The following SCUBE1 variants were observed in gnomAD, a reference collection of about 807,000 sequenced individuals.
SCUBE1 encodes the protein signal peptide, CUB and EGF-like domain-containing protein 1.
In SCUBE1, 59 loss-of-function variants were observed where a neutral mutation model predicts 124.4. That is an observed-to-expected ratio of 0.47 (90% confidence interval 0.38 to 0.59). The LOEUF (loss-of-function observed/expected upper bound fraction) is 0.59. SCUBE1 is among the 20% of genes least tolerant of loss of function. The pLI is 0.00. For synonymous variants in SCUBE1, 545 were observed against 550.9 expected, an observed-to-expected ratio of 0.99 and a Z score of 0.15; for missense variants, 1,150 against 1,371.2, an observed-to-expected ratio of 0.84 and a Z score of 2.55.
intron 6 of SCUBE1, among the ~76,000 whole-genome samples, chr22:43,243,508 G>C (rs1282720765): frequency 6.6e-6 from 1 of 152,254 alleles, no homozygotes; most frequent in Non-Finnish European, 1.5e-5. Context: ...CGCTCTGACA[G>C]AGGGAAGCAG....
intron 3 of SCUBE1, among the ~76,000 whole-genome samples, chr22:43,293,073 C>T (rs1022874360): frequency 6.6e-6 from 1 of 152,226 alleles, no homozygotes; most frequent in African/African-American, 2.4e-5. Context: ...GCCACCTTTG[C>T]TGGGCGCAGC....
In SCUBE1 at chr22:43,248,466, C is replaced by T. The variant is rs188899887; in HGVS notation, c.728-9512G>A. Among the ~76,000 whole-genome samples, 904 of 152,368 alleles carry T rather than the reference C, an allele frequency of 5.9e-3. 5 individuals are homozygous for T. Among genetic ancestry groups the T allele is most frequent in the African/African-American group, 0.021 (861 of 41,590 alleles). On this transcript the variant is annotated intron_variant, in intron 6 of 21. Coordinates refer to ENST00000360835, the MANE Select transcript of SCUBE1 (RefSeq NM_173050.5). ...AGCGGAGTCGCCATCACCTACTTCC[C>T]CCTACAAGCCCCAGCTGTGAGTGTG... is the stretch of plus-strand genomic sequence containing the variant.
chr22:43,252,607 G>A (rs529888030), intron 6 of SCUBE1, among the ~76,000 whole-genome samples: 6 of 152,212 alleles, frequency 3.9e-5, no homozygotes, highest in East Asian at 1.9e-4. Context: ...CCGGAACCCC[G>A]AAAGGGGCTC....
intron 4 of SCUBE1, among the ~76,000 whole-genome samples, chr22:43,279,659 CTGAT>C (rs1924683040): frequency 6.6e-6 from 1 of 152,150 alleles, no homozygotes; most frequent in Non-Finnish European, 1.5e-5. Flanking sequence ...TTTTTGCTGA[CTGAT>C]GGCGTGGGCA....
chr22:43,254,374 C>T (rs1556002063), intron 6 of SCUBE1, among the ~76,000 whole-genome samples: 2 of 152,348 alleles, frequency 1.3e-5, no homozygotes, highest in Admixed American at 1.3e-4. Flanking sequence ...GGCCATATCC[C>T]CTGTGGCCCT....
At chr22:43,259,915 G>A (rs535270241) in intron 5 of SCUBE1, among the ~76,000 whole-genome samples, 1 of 152,202 alleles carries the variant, frequency 6.6e-6, no homozygotes, top group East Asian at 1.9e-4. Flanking sequence ...TCTCCAGGGT[G>A]GAGCCGGCAC....
At chr22:43,298,006 A>G (rs1344272074) in intron 3 of SCUBE1, among the ~76,000 whole-genome samples, 1 of 152,210 alleles carries the variant, frequency 6.6e-6, no homozygotes, top group Non-Finnish European at 1.5e-5. Flanking sequence ...CACCTCCAGC[A>G]CGGAGAGCTC....
chr22:43,215,508 C>T (rs1921770658), intron 15 of SCUBE1, among the ~76,000 whole-genome samples: 1 of 152,194 alleles, frequency 6.6e-6, no homozygotes, highest in South Asian at 2.1e-4. Context: ...ACTCAGAAAA[C>T]ACTCATCAAT....
In SCUBE1 at chr22:43,203,677, C is replaced by T; in HGVS notation, c.*320G>A. On this transcript the variant is annotated 3_prime_UTR_variant, in exon 22 of 22. Transcript: ENST00000360835. ...AGCACAGGCCCCACTTCCCCTCTCTCCTGAAACGCCAGGCCAGGCAGAGGG... is the reference window on the plus strand; with the variant it reads ...AGCACAGGCCCCACTTCCCCTCTCTTCTGAAACGCCAGGCCAGGCAGAGGG... The T allele has an allele frequency of 3.9e-6, 1 of 258,344 alleles. No individual in the cohort carries two copies. Among genetic ancestry groups the T allele is most frequent in the Non-Finnish European group, 7.5e-6 (1 of 133,820 alleles). 16.0% of individuals were successfully genotyped at this position (258,344 alleles called of 1,614,324 possible).
intron 5 of SCUBE1, among the ~76,000 whole-genome samples, chr22:43,261,212 C>G (rs1923859319): frequency 6.6e-6 from 1 of 152,256 alleles, no homozygotes; most frequent in Non-Finnish European, 1.5e-5. Flanking sequence ...GGGCAGAAGA[C>G]TTCTCTGCAG....
At chr22:43,340,511 C>G (rs1485757387) in intron 1 of SCUBE1, among the ~76,000 whole-genome samples, 1 of 151,492 alleles carries the variant, frequency 6.6e-6, no homozygotes, top group Non-Finnish European at 1.5e-5. Context: ...CACACACACA[C>G]ACACACACAC....
chr22:43,280,444 C>T lies in SCUBE1; in HGVS notation c.484+10602G>A, dbSNP rs1486261474. Among the ~76,000 whole-genome samples, 16 of 109,228 alleles carry T rather than the reference C, an allele frequency of 1.5e-4. 1 individual carries two copies. The highest frequency in any genetic ancestry group is 7.1e-4 in the African/African-American group (15 of 21,202). The allele number at this position is 109,228 out of a possible 152,430, so 71.7% of individuals were successfully genotyped here. On this transcript the variant is annotated intron_variant, in intron 4 of 21. Coordinates refer to ENST00000360835, the MANE Select transcript of SCUBE1 (RefSeq NM_173050.5). Reference sequence around the variant, plus strand: ...CCTGTCCCTTCCCCTCACCCATCCCCCTGTCCCTTCCCCTCACCCATCCTC... The same window carrying T: ...CCTGTCCCTTCCCCTCACCCATCCCTCTGTCCCTTCCCCTCACCCATCCTC...
chr22:43,336,797 G>T (rs1224410747), intron 2 of SCUBE1, among the ~76,000 whole-genome samples: 1 of 152,180 alleles, frequency 6.6e-6, no homozygotes, highest in Non-Finnish European at 1.5e-5. Context: ...ATCAGAGAAG[G>T]CTTCCTGGAG....
At chr22:43,263,035 C>A (rs1923931182) in intron 4 of SCUBE1, among the ~76,000 whole-genome samples, 190 bp from the exon 5 acceptor site, 1 of 152,184 alleles carries the variant, frequency 6.6e-6, no homozygotes. Context: ...CATGGATATC[C>A]CTTAGGGAGA....
chr22:43,311,071 G>C (rs1926152722), intron 3 of SCUBE1, among the ~76,000 whole-genome samples: 1 of 152,216 alleles, frequency 6.6e-6, no homozygotes, highest in Non-Finnish European at 1.5e-5. Flanking sequence ...GAGCCACCAA[G>C]CCTGGCCTTG....
Position 43,343,334 on chromosome 22 carries a change from G to GCGCTGCTCGCTGCT in SCUBE1, c.-87_-74dup, listed in dbSNP as rs1171461369. The GCGCTGCTCGCTGCT allele has an allele frequency of 1.4e-6, 1 of 732,838 alleles. No homozygotes were observed. Among genetic ancestry groups the GCGCTGCTCGCTGCT allele is most frequent in the African/African-American group, 1.9e-5 (1 of 52,190 alleles). 45.4% of individuals were successfully genotyped at this position (732,838 alleles called of 1,614,324 possible). On this transcript the variant is annotated 5_prime_UTR_variant, in exon 1 of 22. Transcript: ENST00000360835. ...CCCGACCGACCGGCCGCTCCCGCAG[G>GCGCTGCTCGCTGCT]CGCTGCTCGCTGCTCGCCGCTCCGC...
chr22:43,209,421 C>G (rs1286295449), intron 19 of SCUBE1, among the ~76,000 whole-genome samples: 1 of 152,218 alleles, frequency 6.6e-6, no homozygotes, highest in Non-Finnish European at 1.5e-5. Context: ...CAGGGGCCTC[C>G]CAGGCATTCC....
intron 6 of SCUBE1, among the ~76,000 whole-genome samples, chr22:43,248,551 G>C (rs11090145): frequency 0.3 from 45,359 of 152,226 alleles, 6,855 homozygotes; most frequent in Admixed American, 0.35. Flanking sequence ...GGGGGCCCCA[G>C]CTGACCAGAC....
At position 43,223,109 on chromosome 22, in the gene SCUBE1, G is replaced by A. The variant is rs751179452; in HGVS notation, c.1315C>T (p.Leu439Phe). The A allele has an allele frequency of 1.3e-6, 2 of 1,550,396 alleles. No individual in the cohort carries two copies. The highest frequency in any genetic ancestry group is 2.4e-5 in the East Asian group (1 of 42,198). ...SCFLSCPAHT[L>F]FVPDSENSYV... ...CGGCCCGGGTTACCTGGCACGAAGA[G>A]TGTGTGAGCCGGGCAGGAAAGGAAG... Residue 439 changes from leucine to phenylalanine, a missense_variant, in exon 11 of 22, where the codon CTC becomes TTC. This residue lies in a region of SCUBE1 where 757 missense variants were observed against 840.9 expected (regional missense o/e 0.90). Transcript: ENST00000360835.
Sources: allele counts gnomAD v4.1 joint callset (sites outside exome capture counted in the v4.1 genomes callset), GRCh38; gene constraint gnomAD v4.1.1; regional missense constraint gnomAD v4.1.1; transcripts MANE v1.5; gene names NCBI Gene and HGNC (gene_info 2026-07-23, HGNC 2026-07-21).